Variants in PLEKHA1 observed in about 807,000 individuals in gnomAD.
PLEKHA1 encodes the protein pleckstrin homology domain-containing family A member 1.
A neutral mutation model predicts 52.0 loss-of-function variants in PLEKHA1; 34 were observed. The observed-to-expected ratio is 0.65, with a 90% CI of 0.50 to 0.87. PLEKHA1 has a LOEUF of 0.87. Among genes scored for constraint, PLEKHA1 ranks in the 40% least tolerant of loss-of-function variants. PLEKHA1 has a pLI of 0.00. For missense variants in PLEKHA1, 497 were observed against 504.2 expected, an observed-to-expected ratio of 0.99 and a Z score of 0.14; for synonymous variants, 163 against 170.7, an observed-to-expected ratio of 0.95 and a Z score of 0.35.
At position 122,424,947 on chromosome 10, in the gene PLEKHA1, T is replaced by A. The variant is rs770770601; in HGVS notation, c.798T>A (p.Thr266=). 2 of 1,609,278 alleles carry A rather than the reference T, an allele frequency of 1.2e-6. No individual in the cohort carries two copies. Among genetic ancestry groups the A allele is most frequent in the South Asian group, 2.2e-5 (2 of 90,202 alleles). The change falls in exon 10 of 12, where the codon ACT becomes ACA. Residue 266 remains threonine (T), a synonymous_variant. Coordinates refer to ENST00000368990, the MANE Select transcript of PLEKHA1 (RefSeq NM_001001974.4). Reference sequence around the variant, plus strand: ...TTGAAATTGTAACAACGTCTCGAACTTTCTATGTGCAGGTAAGATGCTTAT... The same window carrying A: ...TTGAAATTGTAACAACGTCTCGAACATTCTATGTGCAGGTAAGATGCTTAT... The part of the protein sequence containing the change: ...NLFEIVTTSR[T]FYVQADSPEE...
At chr10:122,378,772 A>G (rs193198701) in intron 1 of PLEKHA1, among the ~76,000 whole-genome samples, 107 of 152,074 alleles carry the variant, frequency 7.0e-4, no homozygotes, top group Non-Finnish European at 1.3e-3. Flanking sequence ...AACAAAAACA[A>G]AAAATTGCAG....
At chr10:122,404,089 T>C (rs554001631) in intron 4 of PLEKHA1, among the ~76,000 whole-genome samples, 7 of 152,196 alleles carry the variant, frequency 4.6e-5, no homozygotes, top group Admixed American at 3.3e-4. Context: ...TCTTTACATA[T>C]ATGATCGTCA....
intron 2 of PLEKHA1, among the ~76,000 whole-genome samples, chr10:122,395,851 A>G (rs147507132): frequency 2.6e-5 from 4 of 152,248 alleles, no homozygotes; most frequent in Non-Finnish European, 5.9e-5. Flanking sequence ...GAATGAAATA[A>G]TTAAGTTGCT....
At chr10:122,440,950 C>G in the PLEKHA1 span, 1 of 152,150 alleles carries the variant, frequency 6.6e-6, no homozygotes, top group African/African-American at 2.4e-5. Flanking sequence ...TAGGTGCTAA[C>G]AATTACCTCA....
At chr10:122,382,657 C>T (rs1000387031) in intron 1 of PLEKHA1, among the ~76,000 whole-genome samples, 2 of 152,124 alleles carry the variant, frequency 1.3e-5, no homozygotes, top group Admixed American at 1.3e-4. Context: ...ACTGTCATAT[C>T]TTCAGAAATG....
At chr10:122,400,479 T>C in intron 4 of PLEKHA1, 91 bp downstream of exon 4, 1 of 1,166,262 alleles carries the variant, frequency 8.6e-7, no homozygotes, top group Non-Finnish European at 1.2e-6. Flanking sequence ...ACACAAAACC[T>C]AGGGCTTAAT....
chr10:122,404,380 G>A (rs1187753057), intron 4 of PLEKHA1, among the ~76,000 whole-genome samples: 1 of 152,104 alleles, frequency 6.6e-6, no homozygotes, highest in Non-Finnish European at 1.5e-5. Context: ...CCTTAGAAAA[G>A]ATCCTTATAT....
chr10:122,376,567 C>T (rs573535504), intron 1 of PLEKHA1, among the ~76,000 whole-genome samples: 1 of 150,744 alleles, frequency 6.6e-6, no homozygotes, highest in African/African-American at 2.4e-5. Flanking sequence ...ACCGCGCGGG[C>T]GCGCGCAGAG....
chr10:122,409,363 G>A (rs1390029621), intron 5 of PLEKHA1, among the ~76,000 whole-genome samples: 5 of 151,872 alleles, frequency 3.3e-5, no homozygotes, highest in Admixed American at 1.3e-4. Context: ...CAGCCCCGAA[G>A]GGGGAGTATC....
At chr10:122,400,448 A>G in intron 4 of PLEKHA1, 60 bp downstream of exon 4, 1 of 1,473,422 alleles carries the variant, frequency 6.8e-7, no homozygotes, top group Non-Finnish European at 9.2e-7. Context: ...ATATTGTAAA[A>G]GAAAACTGTT....
chr10:122,436,025 T>A (rs2097436372), downstream of PLEKHA1: 1 of 152,196 alleles, frequency 6.6e-6, no homozygotes. Context: ...AGTTCCATCA[T>A]CACAAAGGCC....
intron 4 of PLEKHA1, among the ~76,000 whole-genome samples, chr10:122,403,608 T>C (rs1396516337): frequency 6.6e-6 from 1 of 152,236 alleles, no homozygotes; most frequent in East Asian, 1.9e-4. Flanking sequence ...AGAGTTTTTT[T>C]TTTTTTATTG....
At chr10:122,375,395 C>T (rs968237051) in intron 1 of PLEKHA1, among the ~76,000 whole-genome samples, 2 of 152,358 alleles carry the variant, frequency 1.3e-5, no homozygotes, top group African/African-American at 2.4e-5. Context: ...GGGCGGTGTC[C>T]GCGATTTACC....
At chr10:122,412,288 A>G (rs2097116023) in intron 5 of PLEKHA1, 1 of 152,134 alleles carries the variant, frequency 6.6e-6, no homozygotes, top group Non-Finnish European at 1.5e-5. Context: ...TTGTTTTGAA[A>G]CTTCTGATTT....
chr10:122,376,792 G>C (rs1239766035), intron 1 of PLEKHA1, among the ~76,000 whole-genome samples: 4 of 152,138 alleles, frequency 2.6e-5, no homozygotes, highest in African/African-American at 9.7e-5. Flanking sequence ...AAGCCGGAAG[G>C]ACCTTTTTAG....
At chr10:122,386,106 T>C (rs777306886) in intron 1 of PLEKHA1, among the ~76,000 whole-genome samples, 17 of 152,226 alleles carry the variant, frequency 1.1e-4, no homozygotes, top group Non-Finnish European at 1.9e-4. Flanking sequence ...ACCAGCAATA[T>C]ATGATAGTTC....
rs563157259 is a variant in PLEKHA1, at chr10:122,400,869, A to G, written c.244+481A>G. Among the ~76,000 whole-genome samples the G allele has an allele frequency of 4.6e-5, 7 of 152,356 alleles. No individual in the cohort carries two copies. In the East Asian group the frequency reaches 1.3e-3, roughly 29 times the overall value. ...TGGCACTGGAGCTGTAAGATGAATA[A>G]GAAACAGTTGCTGCCCTTAAGGCTG... On this transcript the variant is annotated intron_variant, in intron 4 of 11. Coordinates refer to ENST00000368990, the MANE Select transcript of PLEKHA1 (RefSeq NM_001001974.4).
the PLEKHA1 span, chr10:122,439,335 A>G: frequency 6.6e-6 from 1 of 150,660 alleles, no homozygotes; most frequent in Non-Finnish European, 1.5e-5. Context: ...GTGTAGCTCT[A>G]GTCTTTGTAG....
intron 5 of PLEKHA1, among the ~76,000 whole-genome samples, chr10:122,409,240 A>G (rs1219825928): frequency 6.6e-6 from 1 of 152,222 alleles, no homozygotes; most frequent in Non-Finnish European, 1.5e-5. Flanking sequence ...TTGAAAATCC[A>G]TTTAATACCC....
Sources: allele counts gnomAD v4.1 joint callset (sites outside exome capture counted in the v4.1 genomes callset), GRCh38; gene constraint gnomAD v4.1.1; transcripts MANE v1.5; gene names NCBI Gene and HGNC (gene_info 2026-07-23, HGNC 2026-07-21).